Variants in DCC observed in about 807,000 individuals in gnomAD.
The protein encoded by DCC is DCC netrin 1 receptor, also known as netrin receptor DCC.
Under a neutral mutation model 172.5 loss-of-function variants are expected in DCC, and 58 were observed. That is an observed-to-expected ratio of 0.34 (90% CI 0.27 to 0.42). The LOEUF is 0.42. DCC is among the 10% of genes least tolerant of loss of function. The probability of loss-of-function intolerance (pLI) is 1.00; values close to 1 mark genes in which losing one functional copy is unlikely to be tolerated. For synonymous variants in DCC, 709 were observed against 644.5 expected (o/e 1.10, Z -1.52); for missense variants, 1,740 against 1,791.0 (o/e 0.97, Z 0.51).
intron 1 of DCC, among the ~76,000 whole-genome samples, chr18:52,440,934 C>A (rs1380436322): frequency 1.3e-5 from 2 of 152,168 alleles, no homozygotes; most frequent in Non-Finnish European, 2.9e-5. Flanking sequence ...TTTCATAGTG[C>A]AATGGAAATC....
chr18:52,420,456 G>A (rs1184164026), intron 1 of DCC, among the ~76,000 whole-genome samples: 1 of 152,116 alleles, frequency 6.6e-6, no homozygotes, highest in African/African-American at 2.4e-5. Context: ...ATACCACAAT[G>A]AGTGTTAAAA....
intron 1 of DCC, among the ~76,000 whole-genome samples, chr18:52,689,668 G>C (rs2035899582): frequency 6.6e-6 from 1 of 152,052 alleles, no homozygotes. Flanking sequence ...GTAGGAAATA[G>C]AAAATGCAAA....
intron 1 of DCC, among the ~76,000 whole-genome samples, chr18:52,701,442 C>A (rs1707376023): frequency 6.6e-6 from 1 of 152,058 alleles, no homozygotes; most frequent in Admixed American, 6.6e-5. Context: ...TCCTTCCTAC[C>A]CATAGACAGT....
chr18:53,464,436 A>G (rs1317952416), intron 24 of DCC, among the ~76,000 whole-genome samples: 1 of 152,174 alleles, frequency 6.6e-6, no homozygotes, highest in Non-Finnish European at 1.5e-5. Context: ...ATACATGTCT[A>G]TTAAATCCTG....
At chr18:52,706,775 G>A (rs2036218577) in intron 1 of DCC, among the ~76,000 whole-genome samples, 1 of 152,150 alleles carries the variant, frequency 6.6e-6, no homozygotes, top group Non-Finnish European at 1.5e-5. Flanking sequence ...TGCCTCGAAG[G>A]TGCTCACACT....
At chr18:52,921,634 G>T (rs373204146) in intron 3 of DCC, among the ~76,000 whole-genome samples, 1 of 151,754 alleles carries the variant, frequency 6.6e-6, no homozygotes, top group Middle Eastern at 3.2e-3. Flanking sequence ...AGGAGGTGGA[G>T]GTTGCAGTGA....
At chr18:52,795,075 G>A (rs1258361281) in intron 2 of DCC, among the ~76,000 whole-genome samples, 2 of 151,774 alleles carry the variant, frequency 1.3e-5, no homozygotes, top group Non-Finnish European at 2.9e-5. Flanking sequence ...CAGAAAAAAT[G>A]GCCTGTAGGT....
chr18:53,056,050 T>G (rs574705770), intron 5 of DCC, among the ~76,000 whole-genome samples: 2 of 152,220 alleles, frequency 1.3e-5, no homozygotes, highest in African/African-American at 4.8e-5. Flanking sequence ...AAGAATATTT[T>G]TCCTCTTAGG....
At chr18:53,179,172 A>G in intron 9 of DCC, 56 bp downstream of exon 9, 1 of 1,524,170 alleles carries the variant, frequency 6.6e-7, no homozygotes, top group African/African-American at 1.4e-5. Flanking sequence ...CCTCTGCAAT[A>G]TCCTTGAATT....
chr18:53,517,526 T>A (rs1222286326), intron 27 of DCC, among the ~76,000 whole-genome samples: 1 of 151,520 alleles, frequency 6.6e-6, no homozygotes, highest in Non-Finnish European at 1.5e-5. Flanking sequence ...CCCAAGCAGG[T>A]TTAAAAACTT....
rs1004761477 is a variant in DCC at position 53,517,606 on chromosome 18, C to T, written c.4112-9011C>T. On this transcript the variant is annotated intron_variant, in intron 27 of 28. Transcript: ENST00000442544. ...CAGACAGGTGGCCCAATGAAAGCCA[C>T]GTTACTTGTGACTCAGAGTAGCCCT... Among the ~76,000 whole-genome samples, 10 of 152,034 alleles carry T rather than the reference C, an allele frequency of 6.6e-5. 1 individual carries two copies. Among genetic ancestry groups the T allele is most frequent in the African/African-American group, 2.2e-4 (9 of 41,392 alleles).
chr18:52,862,195 T>C (rs551124925), intron 2 of DCC, among the ~76,000 whole-genome samples: 2 of 152,302 alleles, frequency 1.3e-5, no homozygotes, highest in African/African-American at 2.4e-5. Flanking sequence ...TATGTTCCTC[T>C]TGGGCTTCCA....
At chr18:53,063,496 T>C (rs767585017) in intron 6 of DCC, 37 bp downstream of exon 6, 1 of 1,479,920 alleles carries the variant, frequency 6.8e-7, no homozygotes, top group African/African-American at 1.4e-5. Context: ...TATAATCCCA[T>C]TCATTGTTTT....
At chr18:52,577,529 T>G (rs1368161341) in intron 1 of DCC, among the ~76,000 whole-genome samples, 1 of 152,202 alleles carries the variant, frequency 6.6e-6, no homozygotes, top group Non-Finnish European at 1.5e-5. Context: ...GTTCCATAGT[T>G]ATTTTTAACT....
At chr18:52,967,008 T>C (rs1337839660) in intron 5 of DCC, among the ~76,000 whole-genome samples, 1 of 152,166 alleles carries the variant, frequency 6.6e-6, no homozygotes, top group Non-Finnish European at 1.5e-5. Flanking sequence ...TCCCTCTGGT[T>C]GGCTCACCCT....
chr18:52,758,824 A>T (rs1227679697), intron 2 of DCC: 1 of 152,216 alleles, frequency 6.6e-6, no homozygotes, highest in Non-Finnish European at 1.5e-5. Context: ...GGTCAACTTC[A>T]TCCTGTGCAG....
chr18:53,336,979 T>A (rs1230682445), intron 14 of DCC, among the ~76,000 whole-genome samples: 1 of 152,244 alleles, frequency 6.6e-6, no homozygotes, highest in African/African-American at 2.4e-5. Context: ...TTTTGAGGCT[T>A]GCCTCTAGGA....
At chr18:52,381,015 G>A (rs1346174043) in intron 1 of DCC, among the ~76,000 whole-genome samples, 1 of 152,000 alleles carries the variant, frequency 6.6e-6, no homozygotes, top group African/African-American at 2.4e-5. Flanking sequence ...AATTAACAAA[G>A]AACAACTTGG....
At chr18:52,824,145 C>A (rs766706382) in intron 2 of DCC, among the ~76,000 whole-genome samples, 4 of 152,112 alleles carry the variant, frequency 2.6e-5, no homozygotes, top group African/African-American at 4.8e-5. Context: ...CTTCGACACA[C>A]GGAAAAGTGG....
Sources: gnomAD v4.1 joint callset for allele counts (sites outside exome capture counted in the v4.1 genomes callset) on GRCh38, gnomAD v4.1.1 for gene constraint, MANE v1.5 for transcripts, NCBI Gene and HGNC (gene_info 2026-07-23, HGNC 2026-07-21) for gene names.